Variants in RAB11FIP2 observed in about 807,000 individuals in gnomAD.
RAB11FIP2 encodes the protein rab11 family-interacting protein 2.
Under a neutral mutation model 40.9 loss-of-function variants are expected in RAB11FIP2, and 16 were observed. The ratio of observed to expected loss-of-function variants is 0.39; its 90% CI spans 0.26 to 0.59. The LOEUF is 0.59. RAB11FIP2 is among the 20% of genes least tolerant of loss of function. The probability of loss-of-function intolerance (pLI) is 0.53; values close to 1 mark genes in which losing one functional copy is unlikely to be tolerated. For missense variants in RAB11FIP2, 532 were observed against 606.2 expected (o/e 0.88, Z 1.28); for synonymous variants, 228 against 213.7 (o/e 1.07, Z -0.58).
chr10:118,009,266 T>A (rs777104709), intron 4 of RAB11FIP2, 41 bp from the exon 5 acceptor site: 1 of 1,516,464 alleles, frequency 6.6e-7, no homozygotes, highest in Admixed American at 1.9e-5. Flanking sequence ...AGATATAACA[T>A]CTGGGACAAA....
intron 1 of RAB11FIP2, chr10:118,045,489 T>A (rs1846617211): frequency 9.3e-6 from 2 of 214,052 alleles, no homozygotes; most frequent in Non-Finnish European, 9.3e-6. Flanking sequence ...CATAACAATT[T>A]ATATGAAGTT....
Position 118,045,834 on chromosome 10 carries a change from C to T in RAB11FIP2, c.330G>A (p.Glu110=), listed in dbSNP as rs991702109. ...ACTCTGTTTTCCTTCTTTGTTTGTC[C>T]TCAAAGATGTCATTGAGATTGATTG... ...QVAINLNDIF[E]DKQRRKTEWF... Residue 110 remains glutamate, a synonymous_variant, in exon 1 of 5, where the codon GAG becomes GAA. Coordinates refer to ENST00000355624, the MANE Select transcript of RAB11FIP2 (RefSeq NM_014904.3). The T allele has an allele frequency of 6.2e-7, 1 of 1,608,920 alleles. No individual in the cohort carries two copies. Among genetic ancestry groups the T allele is most frequent in the Admixed American group, 1.7e-5 (1 of 59,272 alleles).
At chr10:118,020,736 C>T (rs558300746) in intron 3 of RAB11FIP2, among the ~76,000 whole-genome samples, 32 of 152,340 alleles carry the variant, frequency 2.1e-4, no homozygotes, top group African/African-American at 7.5e-4. Flanking sequence ...CTGCAGACAC[C>T]TCCCCACTAA....
intron 3 of RAB11FIP2, among the ~76,000 whole-genome samples, chr10:118,023,544 G>A (rs1002809249): frequency 1.3e-5 from 2 of 152,112 alleles, no homozygotes; most frequent in African/African-American, 4.8e-5. Context: ...TGTCTATGGG[G>A]ATTAACAGTA....
intron 3 of RAB11FIP2, among the ~76,000 whole-genome samples, chr10:118,038,111 T>C (rs925853372): frequency 3.3e-5 from 5 of 151,936 alleles, no homozygotes; most frequent in Non-Finnish European, 5.9e-5. Flanking sequence ...GGGGGCCAAC[T>C]ATACTTAAGA....
intron 1 of RAB11FIP2, among the ~76,000 whole-genome samples, chr10:118,041,487 C>T (rs988825023): frequency 1.3e-5 from 2 of 152,028 alleles, no homozygotes; most frequent in African/African-American, 4.8e-5. Context: ...AGTGGTCATT[C>T]TATGGGAAAA....
chr10:118,023,348 A>AT (rs1846304179), intron 3 of RAB11FIP2, among the ~76,000 whole-genome samples: 1 of 152,218 alleles, frequency 6.6e-6, no homozygotes. Context: ...TACGTTCATT[A>AT]TACATGCAAA....
intron 3 of RAB11FIP2, among the ~76,000 whole-genome samples, chr10:118,028,700 T>C (rs969608938): frequency 2.0e-5 from 3 of 152,150 alleles, no homozygotes; most frequent in African/African-American, 7.2e-5. Context: ...GGGCTAATTA[T>C]GTAAGAAATA....
chr10:118,023,011 T>C (rs1846299635), intron 3 of RAB11FIP2, among the ~76,000 whole-genome samples: 1 of 152,172 alleles, frequency 6.6e-6, no homozygotes, highest in South Asian at 2.1e-4. Flanking sequence ...TTCAGTTCTT[T>C]TTAAGATACG....
intron 1 of RAB11FIP2, among the ~76,000 whole-genome samples, chr10:118,043,990 T>G (rs1248091676): frequency 6.6e-6 from 1 of 152,226 alleles, no homozygotes; most frequent in Non-Finnish European, 1.5e-5. Context: ...TGAAAATCAC[T>G]TTGAATGCAA....
intron 4 of RAB11FIP2, among the ~76,000 whole-genome samples, chr10:118,009,934 G>A (rs991954708): frequency 1.3e-5 from 2 of 151,812 alleles, no homozygotes; most frequent in African/African-American, 2.4e-5. Flanking sequence ...TTAATACTAC[G>A]GTTAGTATAT....
chr10:118,038,021 ATTG>A (rs1224166291), intron 3 of RAB11FIP2, among the ~76,000 whole-genome samples: 1 of 151,842 alleles, frequency 6.6e-6, no homozygotes, highest in East Asian at 1.9e-4. Flanking sequence ...TCATTACTAT[ATTG>A]TTATTTCTTA....
rs750475152 is a variant in RAB11FIP2, at chr10:118,007,796, G to GT, written c.*1201dup. On this transcript the variant is annotated 3_prime_UTR_variant, in exon 5 of 5. Transcript: ENST00000355624. ...GGACTTTAAAATAGAACATAATTTT[G>GT]TAATAAATCAATTCTTAAAGGGTGG... The GT allele has an allele frequency of 5.3e-5, 8 of 152,112 alleles. No individual in the cohort carries two copies. Among genetic ancestry groups the GT allele is most frequent in the Non-Finnish European group, 1.0e-4 (7 of 67,978 alleles). 9.4% of individuals were successfully genotyped at this position (152,112 alleles called of 1,614,324 possible).
chr10:118,045,721 C>T (rs1846620107), intron 1 of RAB11FIP2, 90 bp downstream of exon 1: 2 of 1,094,322 alleles, frequency 1.8e-6, no homozygotes, highest in Admixed American at 5.7e-5. Context: ...CAAAAACCAA[C>T]GCCCGAAGTA....
chr10:118,030,374 A>T (rs1354729859), intron 3 of RAB11FIP2, among the ~76,000 whole-genome samples: 1 of 152,050 alleles, frequency 6.6e-6, no homozygotes, highest in Non-Finnish European at 1.5e-5. Context: ...TATCATAACA[A>T]CTTGTTCTCT....
chr10:118,005,613 A>G lies in RAB11FIP2; in HGVS notation c.*3385T>C, dbSNP rs571024510. On this transcript the variant is annotated 3_prime_UTR_variant, in exon 5 of 5. Coordinates refer to ENST00000355624, the MANE Select transcript of RAB11FIP2 (RefSeq NM_014904.3). ...CACACAAGTGACACCTACCACCTAC[A>G]AGACATATGAGTACATGAACATCAA... 1.3e-5 allele frequency: 2 copies of G among 152,312 alleles called. No individual in the cohort carries two copies. The highest frequency in any genetic ancestry group is 1.3e-4 in the Admixed American group (2 of 15,292). The allele number at this position is 152,312 out of a possible 1,614,324, so 9.4% of individuals were successfully genotyped here. A position where few individuals can be genotyped will look rare whatever the true frequency, so the allele number is the denominator to read the frequency against.
chr10:118,021,902 T>C (rs1846287177), intron 3 of RAB11FIP2, among the ~76,000 whole-genome samples: 1 of 152,200 alleles, frequency 6.6e-6, no homozygotes, highest in Non-Finnish European at 1.5e-5. Context: ...GATTTCATAT[T>C]CTCTCACCAC....
chr10:118,033,419 GC>G (rs1846441958), intron 3 of RAB11FIP2, among the ~76,000 whole-genome samples: 1 of 152,028 alleles, frequency 6.6e-6, no homozygotes, highest in Non-Finnish European at 1.5e-5. Context: ...CTGTTATGAA[GC>G]TTACACAGCT....
chr10:118,038,611 C>T (rs117819533), intron 3 of RAB11FIP2, among the ~76,000 whole-genome samples: 7 of 151,968 alleles, frequency 4.6e-5, no homozygotes, highest in African/African-American at 9.7e-5. Flanking sequence ...AGCCCATGAA[C>T]GAATCCCTAG....
Sources: allele counts gnomAD v4.1 joint callset (sites outside exome capture counted in the v4.1 genomes callset), GRCh38; gene constraint gnomAD v4.1.1; transcripts MANE v1.5; gene names NCBI Gene and HGNC (gene_info 2026-07-23, HGNC 2026-07-21).